Variants in TSGA10 observed in about 807,000 individuals in gnomAD.
The protein encoded by TSGA10 is testis-specific gene 10 protein.
A neutral mutation model predicts 96.6 loss-of-function variants in TSGA10; 43 were observed. The ratio of observed to expected loss-of-function variants is 0.44; its 90% CI spans 0.35 to 0.57. TSGA10 has a LOEUF of 0.57. Among genes scored for constraint, TSGA10 ranks in the 20% least tolerant of loss-of-function variants. TSGA10 has a pLI of 0.01. For synonymous variants in TSGA10, 229 were observed against 269.9 expected, an observed-to-expected ratio of 0.85 and a Z score of 1.48; for missense variants, 703 against 834.4, an observed-to-expected ratio of 0.84 and a Z score of 1.94.
At chr2:99,080,311 A>G (rs1651363513) in intron 11 of TSGA10, among the ~76,000 whole-genome samples, 2 of 152,134 alleles carry the variant, frequency 1.3e-5, no homozygotes, top group South Asian at 4.1e-4. Context: ...ACAATTGATC[A>G]TATCCTCCCC....
At chr2:99,021,425 T>C (rs1220546880) in intron 17 of TSGA10, among the ~76,000 whole-genome samples, 1 of 152,060 alleles carries the variant, frequency 6.6e-6, no homozygotes, top group Non-Finnish European at 1.5e-5. Flanking sequence ...AAAGAACGCA[T>C]ATAAACTGAT....
intron 20 of TSGA10, among the ~76,000 whole-genome samples, chr2:99,003,134 G>C (rs552338378): frequency 7.9e-5 from 12 of 152,274 alleles, no homozygotes; most frequent in African/African-American, 2.4e-4. Flanking sequence ...TGGGATTATA[G>C]GCGTAAGCTA....
At chr2:99,000,040 G>A (rs2077750891) in intron 20 of TSGA10, among the ~76,000 whole-genome samples, 1 of 152,158 alleles carries the variant, frequency 6.6e-6, no homozygotes, top group African/African-American at 2.4e-5. Flanking sequence ...ACACGTGTGA[G>A]CAACCACGCC....
intron 1 of TSGA10, among the ~76,000 whole-genome samples, chr2:99,152,347 A>G (rs945256379): frequency 6.6e-6 from 1 of 152,148 alleles, no homozygotes; most frequent in Non-Finnish European, 1.5e-5. Context: ...AGTGCAGTGG[A>G]GCGATCATAG....
intron 16 of TSGA10, among the ~76,000 whole-genome samples, chr2:99,040,302 C>T (rs2082066497): frequency 6.6e-6 from 1 of 152,002 alleles, no homozygotes; most frequent in Admixed American, 6.6e-5. Context: ...TAAAAGGCAC[C>T]CAAATTGGTA....
At chr2:99,007,588 C>T (rs1238094801) in intron 20 of TSGA10, among the ~76,000 whole-genome samples, 1 of 152,080 alleles carries the variant, frequency 6.6e-6, no homozygotes, top group Non-Finnish European at 1.5e-5. Flanking sequence ...ACAAATAAAA[C>T]AGCAAACCAC....
At chr2:99,084,275 T>C (rs550134010) in intron 10 of TSGA10, among the ~76,000 whole-genome samples, 11 of 152,346 alleles carry the variant, frequency 7.2e-5, no homozygotes, top group African/African-American at 2.6e-4. Context: ...AAATCTCATG[T>C]TGAAATGTGA....
Position 99,105,654 on chromosome 2 carries a change from C to G in TSGA10, c.254G>C (p.Ser85Thr). 1 of 1,595,304 alleles carries G rather than the reference C, an allele frequency of 6.3e-7. No individual in the cohort carries two copies. Among genetic ancestry groups the G allele is most frequent in the African/African-American group, 1.3e-5 (1 of 74,740 alleles). ...CGTTGTTGATTTAGGACTCTTACAGCTTTTCATCATTTCTCGTCGAAGTCG... is the reference window on the plus strand; with the variant it reads ...CGTTGTTGATTTAGGACTCTTACAGGTTTTCATCATTTCTCGTCGAAGTCG... Reference protein sequence around the residue: ...ITRLRREMMKSCKSPKSTTAH... With the variant: ...ITRLRREMMKTCKSPKSTTAH... Residue 85 changes from serine (S) to threonine (T), a missense_variant, in exon 8 of 21, where the codon AGC becomes ACC. By Grantham distance (58) the Ser-to-Thr change is moderately conservative. Transcript: ENST00000393483.
chr2:99,089,739 G>A (rs1039711389), intron 10 of TSGA10, among the ~76,000 whole-genome samples: 4 of 152,122 alleles, frequency 2.6e-5, no homozygotes, highest in Admixed American at 2.6e-4. Context: ...CCATCCCCCA[G>A]AGCAGTGGTA....
chr2:99,074,000 CTTTTTTTTT>C (rs1167854716), intron 12 of TSGA10, among the ~76,000 whole-genome samples: 16 of 52,610 alleles, frequency 3.0e-4, no homozygotes, highest in African/African-American at 8.3e-4. Context: ...TGTTTCTTTT[CTTTTTTTTT>C]TTTTTTTTTT....
At chr2:99,035,162 A>T (rs982542605) in intron 17 of TSGA10, 68 bp downstream of exon 17, 3 of 1,213,492 alleles carry the variant, frequency 2.5e-6, no homozygotes, top group African/African-American at 3.1e-5. Context: ...AAAAGAACTT[A>T]CTTTTCCAAA....
intron 17 of TSGA10, among the ~76,000 whole-genome samples, chr2:99,026,484 A>C (rs1207488404): frequency 1.3e-5 from 2 of 151,652 alleles, no homozygotes; most frequent in African/African-American, 4.9e-5. Context: ...CAGTGGCATG[A>C]TCTCGGCTCA....
chr2:99,101,159 G>C (rs1295905353), intron 10 of TSGA10, among the ~76,000 whole-genome samples: 1 of 146,498 alleles, frequency 6.8e-6, no homozygotes, highest in Non-Finnish European at 1.5e-5. Context: ...CAGGAGAATG[G>C]CGTGAACCCG....
chr2:99,061,065 T>A (rs188477287), intron 16 of TSGA10, among the ~76,000 whole-genome samples: 22 of 152,284 alleles, frequency 1.4e-4, no homozygotes. Flanking sequence ...CTGGACTTCA[T>A]CAAAAATGTA....
chr2:99,143,708 G>C (rs923348030), intron 1 of TSGA10, among the ~76,000 whole-genome samples: 1 of 151,910 alleles, frequency 6.6e-6, no homozygotes, highest in Non-Finnish European at 1.5e-5. Context: ...CTGGACTCAA[G>C]TGATCCACCC....
At chr2:99,058,046 T>C (rs184525975) in intron 16 of TSGA10, among the ~76,000 whole-genome samples, 1 of 152,004 alleles carries the variant, frequency 6.6e-6, no homozygotes, top group Non-Finnish European at 1.5e-5. Context: ...GATAACTAGA[T>C]GGACACATGC....
chr2:99,121,645 A>G (rs1373893007), intron 2 of TSGA10, among the ~76,000 whole-genome samples: 3 of 151,536 alleles, frequency 2.0e-5, no homozygotes, highest in Non-Finnish European at 4.4e-5. Flanking sequence ...TAATTTGTGT[A>G]ATTTTTAGTA....
chr2:99,119,644 G>C (rs547013325), intron 2 of TSGA10, among the ~76,000 whole-genome samples: 1 of 152,094 alleles, frequency 6.6e-6, no homozygotes, highest in South Asian at 2.1e-4. Context: ...TTGGAAACCT[G>C]GTTTGTTCTT....
At chr2:99,013,396 A>T (rs1161388607) in intron 20 of TSGA10, among the ~76,000 whole-genome samples, 2 of 152,016 alleles carry the variant, frequency 1.3e-5, no homozygotes, top group African/African-American at 4.8e-5. Flanking sequence ...GCTGTGGCGC[A>T]ATCTCGGCTC....
Sources: gnomAD v4.1 joint callset for allele counts (sites outside exome capture counted in the v4.1 genomes callset) on GRCh38, gnomAD v4.1.1 for gene constraint, MANE v1.5 for transcripts, NCBI Gene and HGNC (gene_info 2026-07-23, HGNC 2026-07-21) for gene names.